The following PCDHGA8 variants were observed in gnomAD, a reference collection of about 807,000 sequenced individuals.
PCDHGA8 encodes protocadherin gamma-A8.
A neutral mutation model predicts 59.2 loss-of-function variants in PCDHGA8; 45 were observed. The ratio of observed to expected loss-of-function variants is 0.76; its 90% CI spans 0.60 to 0.98. The LOEUF (loss-of-function observed/expected upper bound fraction) is 0.98. PCDHGA8 is among the 50% of genes least tolerant of loss of function. PCDHGA8 has a pLI of 0.00. For synonymous variants in PCDHGA8, 531 were observed against 519.0 expected (o/e 1.02, Z -0.32); for missense variants, 1,257 against 1,196.2 (o/e 1.05, Z -0.75).
At chr5:141,481,587 G>A (rs1276529821) in intron 1 of PCDHGA8, among the ~76,000 whole-genome samples, 1 of 152,198 alleles carries the variant, frequency 6.6e-6, no homozygotes, top group African/African-American at 2.4e-5. Context: ...GGAGGCTGAG[G>A]CCAGCGGATC....
At position 141,432,480 on chromosome 5, in the gene PCDHGA8, G is replaced by C; in HGVS notation, c.2424+37243G>C. ...GCCCTCCCCACGGACGGTTCCACTGGCGTGGAGCTGGCTCCCCGCTCCGCA... is the reference window on the plus strand; with the variant it reads ...GCCCTCCCCACGGACGGTTCCACTGCCGTGGAGCTGGCTCCCCGCTCCGCA... On this transcript the variant is annotated intron_variant, in intron 1 of 3. Coordinates refer to ENST00000398604, the MANE Select transcript of PCDHGA8 (RefSeq NM_032088.2). The surrounding 1 kb of genome is among the most constrained non-coding windows in gnomAD (Gnocchi z 6.0). 6 of 1,614,180 alleles carry C rather than the reference G, an allele frequency of 3.7e-6. No homozygotes were observed. Among genetic ancestry groups the C allele is most frequent in the Non-Finnish European group, 5.1e-6 (6 of 1,180,044 alleles).
chr5:141,497,497 C>T (rs1318882060), intron 2 of PCDHGA8, among the ~76,000 whole-genome samples: 1 of 151,714 alleles, frequency 6.6e-6, no homozygotes, highest in Non-Finnish European at 1.5e-5. Context: ...TCTCTCTCTC[C>T]TCTCTCTGCT....
chr5:141,489,208 C>A lies in PCDHGA8; in HGVS notation c.2425-5599C>A. On this transcript the variant is annotated intron_variant, in intron 1 of 3. Coordinates refer to ENST00000398604, the MANE Select transcript of PCDHGA8 (RefSeq NM_032088.2). The surrounding 1 kb of genome is among the most constrained non-coding windows in gnomAD (Gnocchi z 4.5). The stretch of plus-strand genomic sequence containing the variant: ...GGTCTACCTTGGAGACAGGACAGCA[C>A]AGACTTACTCTCCACAAAGGGACTT... 1 of 1,451,152 alleles carries A rather than the reference C, an allele frequency of 6.9e-7. No individual in the cohort carries two copies. The highest frequency in any genetic ancestry group is 9.3e-7 in the Non-Finnish European group (1 of 1,072,112). 89.9% of individuals were successfully genotyped at this position (1,451,152 alleles called of 1,614,324 possible).
intron 1 of PCDHGA8, among the ~76,000 whole-genome samples, chr5:141,459,690 C>A (rs1338211972): frequency 6.6e-6 from 1 of 152,174 alleles, no homozygotes; most frequent in African/African-American, 2.4e-5. Context: ...ATAAAGCGTT[C>A]CGCTTGCTAC....
rs745989563 is a variant in PCDHGA8, at chr5:141,490,728, T to G, written c.2425-4079T>G. The G allele has an allele frequency of 6.2e-7, 1 of 1,614,148 alleles. No individual in the cohort carries two copies. Among genetic ancestry groups the G allele is most frequent in the East Asian group, 2.2e-5 (1 of 44,882 alleles). ...GCCTCACCTACTCCATTGTAGGAAA[T>G]CAGGTTCAGGGAGCCCCAGCCTCCT... On this transcript the variant is annotated intron_variant, in intron 1 of 3. Transcript: ENST00000398604. The surrounding 1 kb of genome is among the most constrained non-coding windows in gnomAD (Gnocchi z 5.4).
At chr5:141,438,630 A>T (rs1232206839) in intron 1 of PCDHGA8, among the ~76,000 whole-genome samples, 1 of 38,920 alleles carries the variant, frequency 2.6e-5, no homozygotes, top group East Asian at 8.1e-4. Context: ...ATATATATAT[A>T]TATATACACA....
intron 1 of PCDHGA8, among the ~76,000 whole-genome samples, chr5:141,468,824 C>A (rs1288506117): frequency 6.6e-6 from 1 of 152,010 alleles, no homozygotes; most frequent in Non-Finnish European, 1.5e-5. Flanking sequence ...CAAGATCAAG[C>A]CACTGCACTC....
chr5:141,430,635 T>A, intron 1 of PCDHGA8: 3 of 881,948 alleles, frequency 3.4e-6, no homozygotes, highest in Non-Finnish European at 5.0e-6. Flanking sequence ...GAACCATCCC[T>A]GGGAGTATGT....
At chr5:141,397,591 A>G (rs1202251855) in intron 1 of PCDHGA8, among the ~76,000 whole-genome samples, 1 of 152,204 alleles carries the variant, frequency 6.6e-6, no homozygotes, top group Non-Finnish European at 1.5e-5. Flanking sequence ...ATTAATTATT[A>G]TATTGCCAGT....
intron 1 of PCDHGA8, among the ~76,000 whole-genome samples, chr5:141,480,259 G>A (rs1285833242): frequency 2.0e-5 from 3 of 151,174 alleles, no homozygotes; most frequent in African/African-American, 7.3e-5. Flanking sequence ...AAAAAAATGT[G>A]TTTTCATTAG....
intron 1 of PCDHGA8, chr5:141,419,098 G>A (rs993605209): frequency 8.7e-6 from 14 of 1,613,812 alleles, no homozygotes; most frequent in African/African-American, 2.7e-5. Context: ...TGGATCGGGA[G>A]CAGACCCCAG....
intron 1 of PCDHGA8, among the ~76,000 whole-genome samples, chr5:141,407,505 T>TTTTTTTTTTTTTTTTTTTTTTTGAG (rs1460306566): frequency 6.6e-6 from 1 of 152,146 alleles, no homozygotes; most frequent in Non-Finnish European, 1.5e-5. Context: ...CTGTTTTTCT[T>TTTTTTTTTTTTTTTTTTTTTTTGAG]AGGCTATGTA....
At position 141,502,866 on chromosome 5, in the gene PCDHGA8, C is replaced by CTTTTTTTTTTT. The variant is rs549047197; in HGVS notation, c.2484-2523_2484-2513dup. Among the ~76,000 whole-genome samples the CTTTTTTTTTTT allele has an allele frequency of 4.4e-4, 56 of 128,014 alleles. 1 individual carries two copies. The highest frequency in any genetic ancestry group is 5.1e-4 in the Non-Finnish European group (32 of 62,412). The allele number at this position is 128,014 out of a possible 152,430, so 84.0% of individuals were successfully genotyped here. ...GAGCTGCCTAACCCTGACTCTCTGTCTTTTTTTTTTTTTTGACAGGGAGTC... is the reference window on the plus strand; with the variant it reads ...GAGCTGCCTAACCCTGACTCTCTGTCTTTTTTTTTTTTTTTTTTTTTTTTTGACAGGGAGTC... On this transcript the variant is annotated intron_variant, in intron 2 of 3. Coordinates refer to ENST00000398604, the MANE Select transcript of PCDHGA8 (RefSeq NM_032088.2).
Position 141,511,502 on chromosome 5 carries a change from A to C in PCDHGA8, c.*329A>C. The C allele has an allele frequency of 2.0e-5, 8 of 395,260 alleles. No individual in the cohort carries two copies. The highest frequency in any genetic ancestry group is 4.1e-5 in the African/African-American group (2 of 48,892). The allele number at this position is 395,260 out of a possible 1,614,324, so 24.5% of individuals were successfully genotyped here. A position where few individuals can be genotyped will look rare whatever the true frequency, so the allele number is the denominator to read the frequency against. ...CTGAACTCCTCCATCTTCCAAATCA[A>C]TCAGGCCCATCCATCCCATGCCTCC... On this transcript the variant is annotated 3_prime_UTR_variant, in exon 4 of 4. Transcript: ENST00000398604.
Position 141,392,885 on chromosome 5 carries a change from G to C in PCDHGA8, c.72G>C (p.Trp24Cys). ...ILLCALLGTL[W>C]EIGRGQIRYS... ...TGTGCGCGCTGCTGGGAACGCTGTGGGAAATCGGGAGGGGACAGATTCGCT... is the reference window on the plus strand; with the variant it reads ...TGTGCGCGCTGCTGGGAACGCTGTGCGAAATCGGGAGGGGACAGATTCGCT... The change falls in exon 1 of 4, where the codon TGG becomes TGC. Residue 24 changes from tryptophan (W) to cysteine (C), a missense_variant. Coordinates refer to ENST00000398604, the MANE Select transcript of PCDHGA8 (RefSeq NM_032088.2). 6.2e-7 allele frequency: 1 copy of C among 1,613,654 alleles called. No homozygotes were observed. Among genetic ancestry groups the C allele is most frequent in the Non-Finnish European group, 8.5e-7 (1 of 1,179,842 alleles).
chr5:141,400,062 T>A (rs2093953641), intron 1 of PCDHGA8: 2 of 1,613,652 alleles, frequency 1.2e-6, no homozygotes, highest in Middle Eastern at 1.7e-4. Flanking sequence ...TGCGTGATGG[T>A]GGACAGCCGC....
rs1212248484 is a variant in PCDHGA8 at position 141,393,163 on chromosome 5, T to C, written c.350T>C (p.Phe117Ser). ...NTLVEDKGKL[F>S]GVEIEIIDIN... ...CTGGTTGAGGATAAAGGAAAACTCT[T>C]TGGGGTAGAAATAGAAATAATTGAT... The change falls in exon 1 of 4, where the codon TTT becomes TCT. Residue 117 changes from phenylalanine (F) to serine (S), a missense_variant. Physicochemically the swap from Phe to Ser is radical, Grantham distance 155 (BLOSUM62 -2). Transcript: ENST00000398604. 1.9e-6 allele frequency: 3 copies of C among 1,613,134 alleles called. No homozygotes were observed. In the Admixed American group the frequency reaches 5.0e-5, roughly 27 times the overall value.
At chr5:141,428,635 G>A (rs1411119011) in intron 1 of PCDHGA8, 1 of 180,288 alleles carries the variant, frequency 5.5e-6, no homozygotes, top group Non-Finnish European at 1.2e-5. Context: ...TAACTCTGTT[G>A]CTCCTACTCA....
chr5:141,417,902 C>G (rs2096184021), intron 1 of PCDHGA8: 1 of 1,588,280 alleles, frequency 6.3e-7, no homozygotes, highest in Non-Finnish European at 8.6e-7. Context: ...CGGCCCGCGG[C>G]AGGTACTATT....
Sources: gnomAD v4.1 joint callset for allele counts (sites outside exome capture counted in the v4.1 genomes callset) on GRCh38, gnomAD v4.1.1 for gene constraint, Gnocchi (gnomAD v3.1) non-coding constraint, MANE v1.5 for transcripts, NCBI Gene and HGNC (gene_info 2026-07-23, HGNC 2026-07-21) for gene names.